Variants in PTPRG observed in about 807,000 individuals in gnomAD.
PTPRG encodes receptor-type tyrosine-protein phosphatase gamma.
PTPRG carries 102 observed loss-of-function variants against 165.3 expected under a neutral mutation model. The ratio of observed to expected loss-of-function variants is 0.62; its 90% CI spans 0.53 to 0.73. The LOEUF (loss-of-function observed/expected upper bound fraction) is 0.73, where lower values mean the gene tolerates loss of function less well. Among genes scored for constraint, PTPRG ranks in the 30% least tolerant of loss-of-function variants. The probability of loss-of-function intolerance (pLI) is 0.00; values close to 1 mark genes in which losing one functional copy is unlikely to be tolerated. For missense variants in PTPRG, 1,866 were observed against 1,861.4 expected (o/e 1.00, Z -0.05); for synonymous variants, 675 against 669.5 (o/e 1.01, Z -0.13).
chr3:61,823,825 C>T (rs1304402977), intron 2 of PTPRG, among the ~76,000 whole-genome samples: 1 of 151,962 alleles, frequency 6.6e-6, no homozygotes, highest in Non-Finnish European at 1.5e-5. Context: ...AATAAATATC[C>T]CTGTTATAAA....
chr3:62,143,541 T>A (rs556248771), intron 6 of PTPRG, among the ~76,000 whole-genome samples: 1 of 151,598 alleles, frequency 6.6e-6, no homozygotes, highest in South Asian at 2.1e-4. Context: ...AAAATTTTAG[T>A]CTCATGAAGA....
chr3:61,920,174 A>G (rs1032340237), intron 2 of PTPRG, among the ~76,000 whole-genome samples: 1 of 152,174 alleles, frequency 6.6e-6, no homozygotes, highest in South Asian at 2.1e-4. Context: ...TCACTTGTGA[A>G]AGACTCAAAA....
chr3:61,850,606 T>G (rs772223140), intron 2 of PTPRG, among the ~76,000 whole-genome samples: 12 of 152,226 alleles, frequency 7.9e-5, no homozygotes, highest in Non-Finnish European at 1.8e-4. Flanking sequence ...ACTTCCTGTT[T>G]TAAACTGTTG....
Position 62,210,313 on chromosome 3 carries a change from C to T in PTPRG, c.2155+6363C>T, listed in dbSNP as rs916882107. 3.3e-5 allele frequency among the ~76,000 whole-genome samples: 5 copies of T among 152,158 alleles called. No homozygotes were observed. The highest frequency in any genetic ancestry group is 4.8e-5 in the African/African-American group (2 of 41,438). Reference sequence around the variant, plus strand: ...TTCTCTGCAGCAGTGGTTTGGGTAACGTCAGGGCTCCAGAAAAATAAAAGG... The same window carrying T: ...TTCTCTGCAGCAGTGGTTTGGGTAATGTCAGGGCTCCAGAAAAATAAAAGG... On this transcript the variant is annotated intron_variant, in intron 12 of 29. Coordinates refer to ENST00000474889, the MANE Select transcript of PTPRG (RefSeq NM_002841.4). This position sits in a 1 kb window ranked among gnomAD's most constrained non-coding sequence, Gnocchi z 4.1.
In PTPRG at chr3:62,007,313, G is replaced by A. The variant is rs140292772; in HGVS notation, c.519+3816G>A. ...TTTCCTGGCTGGAATCCTAGACTCC[G>A]TCTTGTAGTTCCTACACTTAAAAAC... is the stretch of plus-strand genomic sequence containing the variant. On this transcript the variant is annotated intron_variant, in intron 4 of 29. Transcript: ENST00000474889. Among the ~76,000 whole-genome samples, 219 of 152,334 alleles carry A rather than the reference G, an allele frequency of 1.4e-3. 1 individual carries two copies. Among genetic ancestry groups the A allele is most frequent in the African/African-American group, 5.1e-3 (212 of 41,582 alleles).
chr3:61,952,247 A>G (rs780943229), intron 2 of PTPRG, among the ~76,000 whole-genome samples: 2 of 151,940 alleles, frequency 1.3e-5, no homozygotes, highest in Non-Finnish European at 2.9e-5. Context: ...GGACCACTTT[A>G]GTGCCTGTGC....
chr3:62,273,639 T>G lies in PTPRG; in HGVS notation c.3319-59T>G. The G allele has an allele frequency of 6.4e-7, 1 of 1,552,188 alleles. No individual in the cohort carries two copies. Among genetic ancestry groups the G allele is most frequent in the Non-Finnish European group, 8.9e-7 (1 of 1,126,864 alleles). ...CAGAATTAAACTAAGGTACACTTCA[T>G]GAATGAGTGGCTAACCCTTAACACT... On this transcript the variant is annotated intron_variant, in intron 22 of 29. Coordinates refer to ENST00000474889, the MANE Select transcript of PTPRG (RefSeq NM_002841.4). The surrounding 1 kb of genome is among the most constrained non-coding windows in gnomAD (Gnocchi z 4.1).
chr3:61,964,113 A>G lies in PTPRG; in HGVS notation c.191-25512A>G, dbSNP rs189994383. Among the ~76,000 whole-genome samples, 279 of 152,304 alleles carry G rather than the reference A, an allele frequency of 1.8e-3. 1 individual carries two copies. The highest frequency in any genetic ancestry group is 6.2e-3 in the African/African-American group (259 of 41,560). ...TTATCAGTGTAAGTAGAATTGTCTCATGTGGAATTTGCTTCAGAAGGTATA... is the reference window on the plus strand; with the variant it reads ...TTATCAGTGTAAGTAGAATTGTCTCGTGTGGAATTTGCTTCAGAAGGTATA... On this transcript the variant is annotated intron_variant, in intron 2 of 29. Coordinates refer to ENST00000474889, the MANE Select transcript of PTPRG (RefSeq NM_002841.4).
chr3:61,895,967 T>C (rs906554034), intron 2 of PTPRG, among the ~76,000 whole-genome samples: 20 of 152,208 alleles, frequency 1.3e-4, no homozygotes, highest in African/African-American at 4.6e-4. Context: ...AAAGGTAGCA[T>C]TCTGGTAAAA....
rs138126755 is a variant in PTPRG at position 62,260,312 on chromosome 3, A to G, written c.2560-2486A>G. On this transcript the variant is annotated intron_variant, in intron 16 of 29. Transcript: ENST00000474889. Reference sequence around the variant, plus strand: ...CTGAGCAATCTGAAAGATTTCTAGAAGTTTTGTTGCATTATTTTTTTGAAT... The same window carrying G: ...CTGAGCAATCTGAAAGATTTCTAGAGGTTTTGTTGCATTATTTTTTTGAAT... Among the ~76,000 whole-genome samples the G allele has an allele frequency of 1.2e-3, 176 of 152,274 alleles. 1 individual carries two copies. The highest frequency in any genetic ancestry group is 4.1e-3 in the African/African-American group (172 of 41,562).
intron 1 of PTPRG, among the ~76,000 whole-genome samples, chr3:61,600,446 G>T (rs934589071): frequency 1.3e-5 from 2 of 152,070 alleles, no homozygotes; most frequent in African/African-American, 4.8e-5. Context: ...CACGGGATTT[G>T]TCAGGGGTAA....
chr3:62,092,962 C>T (rs1396519733), intron 5 of PTPRG, among the ~76,000 whole-genome samples: 1 of 152,204 alleles, frequency 6.6e-6, no homozygotes. Flanking sequence ...GTTTCTTCCT[C>T]TCCAAACTCA....
chr3:61,995,682 GCCTT>G (rs781558844), intron 3 of PTPRG, among the ~76,000 whole-genome samples: 13,408 of 71,202 alleles, frequency 0.19, 1,099 homozygotes, highest in East Asian at 0.25. Flanking sequence ...CTGCCCGCCC[GCCTT>G]CCTTCCTTCC....
intron 1 of PTPRG, among the ~76,000 whole-genome samples, chr3:61,615,875 C>G (rs1701283670): frequency 6.6e-6 from 1 of 152,154 alleles, no homozygotes; most frequent in African/African-American, 2.4e-5. Flanking sequence ...CCGGCCCTGG[C>G]TCTGGATTTG....
At chr3:61,761,555 G>T (rs1262259749) in intron 2 of PTPRG, among the ~76,000 whole-genome samples, 1 of 152,042 alleles carries the variant, frequency 6.6e-6, no homozygotes, top group East Asian at 2.0e-4. Flanking sequence ...TCCAGCCTGG[G>T]CAACAGAGTG....
intron 4 of PTPRG, among the ~76,000 whole-genome samples, chr3:62,016,091 C>T (rs2041538619): frequency 6.6e-6 from 1 of 152,066 alleles, no homozygotes; most frequent in South Asian, 2.1e-4. Flanking sequence ...TATAAACCCC[C>T]TCCTCATAGA....
chr3:62,183,780 T>C (rs1396971508), intron 8 of PTPRG, among the ~76,000 whole-genome samples: 4 of 152,072 alleles, frequency 2.6e-5, no homozygotes, highest in Non-Finnish European at 5.9e-5. Context: ...AGACCCCACA[T>C]TGTCATTTGT....
At chr3:62,250,166 G>T (rs1701378920) in intron 15 of PTPRG, among the ~76,000 whole-genome samples, 1 of 152,170 alleles carries the variant, frequency 6.6e-6, no homozygotes, top group Admixed American at 6.5e-5. Flanking sequence ...ATAAGTACTT[G>T]TGTTATCCTG....
chr3:62,278,030 A>G (rs184918270), intron 26 of PTPRG, among the ~76,000 whole-genome samples: 1 of 152,254 alleles, frequency 6.6e-6, no homozygotes, highest in African/African-American at 2.4e-5. Flanking sequence ...ATTGTAGCTT[A>G]CAGGTACTGA....
Sources: gnomAD v4.1 joint callset for allele counts (sites outside exome capture counted in the v4.1 genomes callset) on GRCh38, gnomAD v4.1.1 for gene constraint, Gnocchi (gnomAD v3.1) non-coding constraint, MANE v1.5 for transcripts, NCBI Gene and HGNC (gene_info 2026-07-23, HGNC 2026-07-21) for gene names.